Variants in PRKG1 observed in about 807,000 individuals in gnomAD.
The protein encoded by PRKG1 is cGMP-dependent protein kinase 1.
Under a neutral mutation model 88.1 loss-of-function variants are expected in PRKG1, and 35 were observed. The ratio of observed to expected loss-of-function variants is 0.40; its 90% CI spans 0.30 to 0.53. The LOEUF (loss-of-function observed/expected upper bound fraction) is 0.53. Among genes scored for constraint, PRKG1 ranks in the 20% least tolerant of loss-of-function variants. The pLI is 0.59. For missense variants in PRKG1, 540 were observed against 839.8 expected, an observed-to-expected ratio of 0.64 and a Z score of 4.41; for synonymous variants, 303 against 292.5, an observed-to-expected ratio of 1.04 and a Z score of -0.37.
chr10:51,361,641 A>G (rs945229639), intron 2 of PRKG1, among the ~76,000 whole-genome samples: 1 of 151,860 alleles, frequency 6.6e-6, no homozygotes, highest in African/African-American at 2.4e-5. Flanking sequence ...AACCTATCTC[A>G]TGCATGATAA....
intron 2 of PRKG1, among the ~76,000 whole-genome samples, chr10:51,332,460 T>A (rs1482452711): frequency 1.3e-5 from 2 of 152,224 alleles, no homozygotes. Flanking sequence ...TATAACTTTT[T>A]AGTAAAATTT....
At chr10:51,285,746 A>C (rs192884906) in intron 2 of PRKG1, among the ~76,000 whole-genome samples, 1 of 152,318 alleles carries the variant, frequency 6.6e-6, no homozygotes, top group East Asian at 1.9e-4. Flanking sequence ...CTAGCAGTAC[A>C]AATAGTGGGA....
At chr10:51,607,110 T>G (rs1838786709) in intron 3 of PRKG1, among the ~76,000 whole-genome samples, 1 of 152,236 alleles carries the variant, frequency 6.6e-6, no homozygotes, top group African/African-American at 2.4e-5. Context: ...ACCGGCATCC[T>G]ATGTGGTAAA....
Position 51,476,914 on chromosome 10 carries a change from C to T in PRKG1, c.592+9078C>T, listed in dbSNP as rs148104851. On this transcript the variant is annotated intron_variant, in intron 3 of 17. Transcript: ENST00000373980. ...TATCAGCTGTATACTATGTACATGCCGCTTGGCTATGTGTAGAATCTCTAA... is the reference window on the plus strand; with the variant it reads ...TATCAGCTGTATACTATGTACATGCTGCTTGGCTATGTGTAGAATCTCTAA... Among the ~76,000 whole-genome samples, 376 of 152,008 alleles carry T rather than the reference C, an allele frequency of 2.5e-3. 2 individuals are homozygous for T. Among genetic ancestry groups the T allele is most frequent in the African/African-American group, 8.5e-3 (351 of 41,508 alleles).
At chr10:51,799,836 T>G (rs1223807779) in intron 3 of PRKG1, among the ~76,000 whole-genome samples, 1 of 152,040 alleles carries the variant, frequency 6.6e-6, no homozygotes, top group African/African-American at 2.4e-5. Context: ...GTGGGTGTCA[T>G]GGACCTATTT....
intron 3 of PRKG1, among the ~76,000 whole-genome samples, chr10:51,574,395 T>C (rs1837834071): frequency 6.6e-6 from 1 of 151,882 alleles, no homozygotes; most frequent in African/African-American, 2.4e-5. Context: ...ATTTTAAAAA[T>C]TGAAATGTTG....
intron 1 of PRKG1, among the ~76,000 whole-genome samples, chr10:51,128,960 T>C (rs1467692615): frequency 6.6e-6 from 1 of 152,214 alleles, no homozygotes; most frequent in Non-Finnish European, 1.5e-5. Flanking sequence ...AATGATGGCC[T>C]GCAAGAAGAC....
chr10:51,281,855 A>G (rs1282172233), intron 2 of PRKG1, among the ~76,000 whole-genome samples: 6 of 152,152 alleles, frequency 3.9e-5, no homozygotes, highest in Non-Finnish European at 8.8e-5. Context: ...GGTAGCTTCA[A>G]AAGCAGTGAT....
At chr10:51,906,932 CTT>C (rs1277422782) in intron 4 of PRKG1, among the ~76,000 whole-genome samples, 1 of 152,132 alleles carries the variant, frequency 6.6e-6, no homozygotes, top group Non-Finnish European at 1.5e-5. Context: ...AATTTGGTAT[CTT>C]ATTTCTATAA....
intron 3 of PRKG1, among the ~76,000 whole-genome samples, chr10:51,780,966 T>C (rs1838573350): frequency 6.6e-6 from 1 of 152,142 alleles, no homozygotes; most frequent in Non-Finnish European, 1.5e-5. Context: ...TCCTTGGAAC[T>C]GCAGAACTTA....
At chr10:52,180,043 T>G (rs529190452) in intron 9 of PRKG1, among the ~76,000 whole-genome samples, 2 of 152,340 alleles carry the variant, frequency 1.3e-5, no homozygotes, top group East Asian at 3.9e-4. Flanking sequence ...ACCCATAATA[T>G]GAATAGTTGT....
intron 2 of PRKG1, among the ~76,000 whole-genome samples, chr10:51,154,697 T>C (rs929177535): frequency 2.0e-5 from 3 of 152,030 alleles, no homozygotes; most frequent in Non-Finnish European, 2.9e-5. Flanking sequence ...TTTTCCCTTA[T>C]AGTTTTCACC....
At chr10:51,884,444 CAAAAAAAAAAA>C (rs57229967) in intron 4 of PRKG1, among the ~76,000 whole-genome samples, 3 of 70,034 alleles carry the variant, frequency 4.3e-5, no homozygotes, top group East Asian at 2.0e-3. Flanking sequence ...AACTCCGTCT[CAAAAAAAAAAA>C]AAAAAAAAAA....
intron 2 of PRKG1, among the ~76,000 whole-genome samples, chr10:51,466,204 G>A (rs1032764822): frequency 1.3e-5 from 2 of 152,114 alleles, no homozygotes; most frequent in African/African-American, 4.8e-5. Flanking sequence ...AAAATGCCAT[G>A]GGAACTATCT....
intron 3 of PRKG1, among the ~76,000 whole-genome samples, chr10:51,544,056 G>T (rs532509853): frequency 6.6e-5 from 10 of 151,790 alleles, no homozygotes; most frequent in South Asian, 4.2e-4. Context: ...CAACATTTTG[G>T]TTTTTTTTAA....
At chr10:51,728,995 A>C (rs1842206717) in intron 3 of PRKG1, among the ~76,000 whole-genome samples, 1 of 152,334 alleles carries the variant, frequency 6.6e-6, no homozygotes, top group Admixed American at 6.5e-5. Flanking sequence ...ATCATCTACT[A>C]TTTAGCACAG....
At chr10:51,357,533 C>T (rs571880599) in intron 2 of PRKG1, among the ~76,000 whole-genome samples, 3 of 152,036 alleles carry the variant, frequency 2.0e-5, no homozygotes, top group Admixed American at 2.0e-4. Flanking sequence ...TCAGTTAAGG[C>T]AACTCTTATT....
intron 2 of PRKG1, among the ~76,000 whole-genome samples, chr10:51,230,761 T>G (rs1009772196): frequency 7.2e-5 from 11 of 151,914 alleles, no homozygotes; most frequent in African/African-American, 2.4e-4. Context: ...GTTGTTATAC[T>G]GTATTGCTTA....
intron 3 of PRKG1, among the ~76,000 whole-genome samples, chr10:51,562,223 C>CAAAAAA (rs35433028): frequency 6.8e-6 from 1 of 146,282 alleles, no homozygotes. Flanking sequence ...GACTCCATCT[C>CAAAAAA]AAAAAAAAAA....
Sources: allele counts gnomAD v4.1 joint callset (sites outside exome capture counted in the v4.1 genomes callset), GRCh38; gene constraint gnomAD v4.1.1; transcripts MANE v1.5; gene names NCBI Gene and HGNC (gene_info 2026-07-23, HGNC 2026-07-21).